The following PHF21B variants were observed in gnomAD, a reference collection of about 807,000 sequenced individuals.
The protein encoded by PHF21B is PHD finger protein 21B.
In PHF21B, 22 loss-of-function variants were observed where a neutral mutation model predicts 62.2. The ratio of observed to expected loss-of-function variants is 0.35; its 90% CI spans 0.25 to 0.51. The LOEUF (loss-of-function observed/expected upper bound fraction) is 0.51, where lower values mean the gene tolerates loss of function less well. Ranked by LOEUF, PHF21B falls within the 20% of genes least tolerant of loss-of-function variation. PHF21B has a pLI of 0.97. For missense variants in PHF21B, 701 were observed against 707.9 expected, an observed-to-expected ratio of 0.99 and a Z score of 0.11; for synonymous variants, 341 against 314.7, an observed-to-expected ratio of 1.08 and a Z score of -0.88.
intron 2 of PHF21B, among the ~76,000 whole-genome samples, chr22:45,002,568 G>C (rs1255415724): frequency 6.6e-6 from 1 of 152,222 alleles, no homozygotes; most frequent in Non-Finnish European, 1.5e-5. Flanking sequence ...GATGGGGCCT[G>C]TCAAGAGGCT....
intron 2 of PHF21B, among the ~76,000 whole-genome samples, chr22:44,967,848 T>C (rs1329868968): frequency 6.6e-6 from 1 of 152,176 alleles, no homozygotes; most frequent in African/African-American, 2.4e-5. Flanking sequence ...ACTCTCCTTG[T>C]TATTGATGAC....
At chr22:44,957,130 T>C (rs527547543) in intron 2 of PHF21B, among the ~76,000 whole-genome samples, 1 of 152,234 alleles carries the variant, frequency 6.6e-6, no homozygotes, top group East Asian at 1.9e-4. Flanking sequence ...TGCCTCGTCC[T>C]GCGCATTCTT....
At chr22:44,908,281 C>T (rs961511967) in intron 5 of PHF21B, among the ~76,000 whole-genome samples, 2 of 152,068 alleles carry the variant, frequency 1.3e-5, no homozygotes, top group Non-Finnish European at 1.5e-5. Flanking sequence ...CCTCAGCGTC[C>T]CCATCTGTAC....
chr22:44,997,579 T>C (rs1486941944), intron 2 of PHF21B, among the ~76,000 whole-genome samples: 2 of 152,192 alleles, frequency 1.3e-5, no homozygotes, highest in Non-Finnish European at 2.9e-5. Context: ...TTGTAGGAAA[T>C]GCTACCTGTC....
At chr22:44,994,434 A>G (rs2073088359) in intron 2 of PHF21B, among the ~76,000 whole-genome samples, 1 of 152,224 alleles carries the variant, frequency 6.6e-6, no homozygotes, top group Non-Finnish European at 1.5e-5. Flanking sequence ...AGAAGCCGCC[A>G]GGGGCTGGCA....
At chr22:44,968,501 G>C (rs112571428) in intron 2 of PHF21B, among the ~76,000 whole-genome samples, 1 of 151,992 alleles carries the variant, frequency 6.6e-6, no homozygotes, top group African/African-American at 2.4e-5. Flanking sequence ...AAAAGTAGCC[G>C]AGCGTGGTGG....
chr22:44,910,280 G>T (rs891661574), intron 5 of PHF21B, among the ~76,000 whole-genome samples: 4 of 152,152 alleles, frequency 2.6e-5, no homozygotes, highest in Admixed American at 2.0e-4. Context: ...GGCACAACAG[G>T]GAGGGAAAAG....
chr22:44,967,884 A>C (rs2072559905), intron 2 of PHF21B, among the ~76,000 whole-genome samples: 1 of 152,148 alleles, frequency 6.6e-6, no homozygotes. Flanking sequence ...ACGGGTCAGG[A>C]ATTTCGCAGA....
rs551792857 is a variant in PHF21B, at chr22:45,005,717, T to C, written c.120+2828A>G. On this transcript the variant is annotated intron_variant, in intron 2 of 12. Coordinates refer to ENST00000313237, the MANE Select transcript of PHF21B (RefSeq NM_138415.5). ...TTTACTATCTAGTTCATCATCCACA[T>C]GTGCACTTTTAATTGAAACTTAACC... is the stretch of plus-strand genomic sequence containing the variant. Among the ~76,000 whole-genome samples, 22 of 152,302 alleles carry C rather than the reference T, an allele frequency of 1.4e-4. No individual in the cohort carries two copies. The South Asian group carries it at 4.1e-3, about 29-fold the overall frequency.
At chr22:44,946,531 G>A (rs2072075702) in intron 2 of PHF21B, among the ~76,000 whole-genome samples, 1 of 152,112 alleles carries the variant, frequency 6.6e-6, no homozygotes, top group Non-Finnish European at 1.5e-5. Flanking sequence ...GACGGATGGT[G>A]GGTGGACGGA....
intron 2 of PHF21B, among the ~76,000 whole-genome samples, chr22:44,963,991 G>A (rs2072475189): frequency 6.6e-6 from 1 of 152,260 alleles, no homozygotes; most frequent in African/African-American, 2.4e-5. Context: ...TCCAGGGCCA[G>A]CCAGCTGTGT....
chr22:45,005,115 C>T (rs982587331), intron 2 of PHF21B, among the ~76,000 whole-genome samples: 9 of 152,272 alleles, frequency 5.9e-5, no homozygotes, highest in Non-Finnish European at 1.3e-4. Flanking sequence ...CTTTAACTTA[C>T]ACAGAAGGGC....
intron 2 of PHF21B, among the ~76,000 whole-genome samples, chr22:44,960,066 C>T (rs1028467695): frequency 3.9e-5 from 6 of 152,174 alleles, no homozygotes; most frequent in Non-Finnish European, 5.9e-5. Context: ...ATGGCTGAAA[C>T]CTGAGCATTC....
intron 2 of PHF21B, among the ~76,000 whole-genome samples, chr22:44,925,924 G>A (rs1183206418): frequency 1.3e-5 from 2 of 152,234 alleles, no homozygotes; most frequent in Admixed American, 6.5e-5. Context: ...CCCCAGGCCA[G>A]CCCAGACTGT....
intron 10 of PHF21B, 51 bp downstream of exon 10, chr22:44,887,912 T>C: frequency 7.2e-7 from 1 of 1,387,346 alleles, no homozygotes; most frequent in Non-Finnish European, 9.4e-7. Flanking sequence ...CTGCCTACGG[T>C]GGGGACCTCC....
intron 2 of PHF21B, among the ~76,000 whole-genome samples, chr22:44,975,687 G>C (rs1490233365): frequency 1.3e-5 from 2 of 152,190 alleles, no homozygotes; most frequent in Non-Finnish European, 2.9e-5. Flanking sequence ...AAATCAGCGA[G>C]GGAAGCCCAC....
chr22:44,961,082 G>A (rs1355072467), intron 2 of PHF21B, among the ~76,000 whole-genome samples: 60 of 147,946 alleles, frequency 4.1e-4, no homozygotes, highest in Admixed American at 4.0e-3. Context: ...TCAGCCTCCC[G>A]AGTAGCTGGG....
intron 2 of PHF21B, among the ~76,000 whole-genome samples, chr22:44,984,203 C>CCAT: frequency 8.3e-5 from 1 of 12,032 alleles, no homozygotes; most frequent in East Asian, 3.0e-3. Flanking sequence ...ACCACCACTA[C>CCAT]CACCATCATC....
At chr22:44,929,961 C>A (rs2071708216) in intron 2 of PHF21B, among the ~76,000 whole-genome samples, 1 of 152,214 alleles carries the variant, frequency 6.6e-6, no homozygotes, top group Non-Finnish European at 1.5e-5. Flanking sequence ...TGCAACCAGG[C>A]AAGCTGGGAT....
Sources: gnomAD v4.1 joint callset for allele counts (sites outside exome capture counted in the v4.1 genomes callset) on GRCh38, gnomAD v4.1.1 for gene constraint, MANE v1.5 for transcripts, NCBI Gene and HGNC (gene_info 2026-07-23, HGNC 2026-07-21) for gene names.